The following LHFPL3 variants were observed in gnomAD, a reference collection of about 807,000 sequenced individuals.
LHFPL3 encodes the protein LHFPL tetraspan subfamily member 3 protein.
A neutral mutation model predicts 19.3 loss-of-function variants in LHFPL3; 5 were observed. That is an observed-to-expected ratio of 0.26 (90% CI 0.14 to 0.54). The LOEUF is 0.54. Ranked by LOEUF, LHFPL3 falls within the 20% of genes least tolerant of loss-of-function variation. The pLI is 0.94. For synonymous variants in LHFPL3, 133 were observed against 126.2 expected, an observed-to-expected ratio of 1.05 and a Z score of -0.36; for missense variants, 249 against 307.4, an observed-to-expected ratio of 0.81 and a Z score of 1.42.
chr7:104,661,938 C>T lies in LHFPL3; in HGVS notation c.446-74737C>T, dbSNP rs77311132. On this transcript the variant is annotated intron_variant, in intron 1 of 2. Transcript: ENST00000424859. The stretch of plus-strand genomic sequence containing the variant: ...ATAAGGGTTCCTTGAACACAAGCAC[C>T]GAGCTATCATGACAGTCGATCTAAT... Among the ~76,000 whole-genome samples, 787 of 152,218 alleles carry T rather than the reference C, an allele frequency of 5.2e-3. 45 individuals carry two copies. In the East Asian group the frequency reaches 0.11, roughly 22 times the overall value.
At chr7:104,798,397 G>GA (rs952819432) in intron 2 of LHFPL3, 8 of 152,030 alleles carry the variant, frequency 5.3e-5, no homozygotes, top group Non-Finnish European at 1.0e-4. Flanking sequence ...TTCATCTGTG[G>GA]AAAAAATAAC....
chr7:104,388,523 G>A (rs746824137), intron 1 of LHFPL3, among the ~76,000 whole-genome samples: 39 of 151,898 alleles, frequency 2.6e-4, no homozygotes, highest in African/African-American at 8.5e-4. Context: ...AGTAAAAAAC[G>A]AACACTTCCC....
At chr7:104,586,707 A>G (rs1301969333) in intron 1 of LHFPL3, among the ~76,000 whole-genome samples, 1 of 152,158 alleles carries the variant, frequency 6.6e-6, no homozygotes, top group Non-Finnish European at 1.5e-5. Context: ...GAATTTTTAT[A>G]GAAGGCAGCC....
chr7:104,833,318 A>AT, intron 2 of LHFPL3, among the ~76,000 whole-genome samples: 4 of 23,736 alleles, frequency 1.7e-4, no homozygotes, highest in Non-Finnish European at 2.0e-4. Flanking sequence ...GGATATATAT[A>AT]TATTATATAT....
Position 104,583,507 on chromosome 7 carries a change from A to G in LHFPL3, c.446-153168A>G, listed in dbSNP as rs548610702. ...CTTCTGCACAGCAAAAGAAAGTACCATCAGAGTAAACAGGCAACCTACAGA... is the reference window on the plus strand; with the variant it reads ...CTTCTGCACAGCAAAAGAAAGTACCGTCAGAGTAAACAGGCAACCTACAGA... On this transcript the variant is annotated intron_variant, in intron 1 of 2. Coordinates refer to ENST00000424859, the MANE Select transcript of LHFPL3 (RefSeq NM_199000.3). Among the ~76,000 whole-genome samples the G allele has an allele frequency of 4.6e-5, 7 of 152,354 alleles. No individual in the cohort carries two copies. The East Asian group carries it at 1.3e-3, about 29-fold the overall frequency.
intron 1 of LHFPL3, among the ~76,000 whole-genome samples, chr7:104,377,428 G>C (rs1311252714): frequency 1.3e-5 from 2 of 152,156 alleles, no homozygotes; most frequent in African/African-American, 4.8e-5. Context: ...TATCACAAAA[G>C]CACACATAAG....
intron 1 of LHFPL3, among the ~76,000 whole-genome samples, chr7:104,497,573 C>T (rs1187434556): frequency 6.6e-6 from 1 of 151,390 alleles, no homozygotes; most frequent in Non-Finnish European, 1.5e-5. Context: ...AATCTCATTT[C>T]TCTTCTGCTG....
chr7:104,870,837 G>A (rs1251950576), intron 2 of LHFPL3, among the ~76,000 whole-genome samples: 5 of 152,268 alleles, frequency 3.3e-5, no homozygotes, highest in Admixed American at 6.5e-5. Flanking sequence ...ATCTGCCAGA[G>A]TAAAGGATGT....
At chr7:104,698,768 C>T (rs1207360929) in intron 1 of LHFPL3, among the ~76,000 whole-genome samples, 2 of 152,096 alleles carry the variant, frequency 1.3e-5, no homozygotes, top group African/African-American at 4.8e-5. Flanking sequence ...CATGAAAAGA[C>T]ATGGAGGGAA....
intron 1 of LHFPL3, among the ~76,000 whole-genome samples, chr7:104,502,930 A>T (rs1793628341): frequency 6.6e-6 from 1 of 152,176 alleles, no homozygotes; most frequent in Admixed American, 6.5e-5. Flanking sequence ...ATTCTTTTAC[A>T]CTGTCAGTGA....
chr7:104,725,204 C>T (rs1793567344), intron 1 of LHFPL3, among the ~76,000 whole-genome samples: 1 of 152,058 alleles, frequency 6.6e-6, no homozygotes, highest in Non-Finnish European at 1.5e-5. Flanking sequence ...CAATTTGTAA[C>T]TTAGAGTTTC....
chr7:104,687,240 A>T (rs994557079), intron 1 of LHFPL3, among the ~76,000 whole-genome samples: 1 of 152,232 alleles, frequency 6.6e-6, no homozygotes, highest in Middle Eastern at 3.2e-3. Flanking sequence ...GAATAGCAAG[A>T]TGGAAGAGAT....
At chr7:104,856,319 T>G (rs1791506029) in intron 2 of LHFPL3, among the ~76,000 whole-genome samples, 1 of 144,630 alleles carries the variant, frequency 6.9e-6, no homozygotes, top group African/African-American at 2.6e-5. Flanking sequence ...GGCGCCATCT[T>G]GGCTCACCAC....
At chr7:104,374,284 C>G (rs1308427313) in intron 1 of LHFPL3, among the ~76,000 whole-genome samples, 2 of 151,186 alleles carry the variant, frequency 1.3e-5, no homozygotes, top group Admixed American at 6.6e-5. Flanking sequence ...GCTCTGTCAC[C>G]AGGCTGGAGT....
At chr7:104,705,786 G>A (rs1236459953) in intron 1 of LHFPL3, among the ~76,000 whole-genome samples, 2 of 152,138 alleles carry the variant, frequency 1.3e-5, no homozygotes, top group Non-Finnish European at 2.9e-5. Context: ...GGAACAGGTG[G>A]CAGTCATTCC....
At position 104,444,943 on chromosome 7, in the gene LHFPL3, G is replaced by T. The variant is rs191670450; in HGVS notation, c.445+115719G>T. ...GTGGAGGTTGCGGTGAGTTGAAATC[G>T]CGCCATTGCATTCCAGCCTGGGCAA... is the stretch of plus-strand genomic sequence containing the variant. On this transcript the variant is annotated intron_variant, in intron 1 of 2. Transcript: ENST00000424859. Among the ~76,000 whole-genome samples, 273 of 151,902 alleles carry T rather than the reference G, an allele frequency of 1.8e-3. 1 individual carries two copies. Among genetic ancestry groups the T allele is most frequent in the African/African-American group, 6.2e-3 (258 of 41,418 alleles).
At chr7:104,655,915 TG>T (rs1792112730) in intron 1 of LHFPL3, among the ~76,000 whole-genome samples, 1 of 152,242 alleles carries the variant, frequency 6.6e-6, no homozygotes, top group Non-Finnish European at 1.5e-5. Context: ...CATTACATTT[TG>T]TTTTTTTCAA....
chr7:104,487,604 A>C (rs1206412842), intron 1 of LHFPL3, among the ~76,000 whole-genome samples: 1 of 152,264 alleles, frequency 6.6e-6, no homozygotes, highest in East Asian at 1.9e-4. Flanking sequence ...AACTCCACAC[A>C]GACAGTGGCC....
chr7:104,415,364 T>G (rs1243598205), intron 1 of LHFPL3, among the ~76,000 whole-genome samples: 5 of 152,200 alleles, frequency 3.3e-5, no homozygotes, highest in African/African-American at 1.2e-4. Context: ...TATCAAAAAG[T>G]GTTACATGAA....
Sources: gnomAD v4.1 joint callset for allele counts (sites outside exome capture counted in the v4.1 genomes callset) on GRCh38, gnomAD v4.1.1 for gene constraint, MANE v1.5 for transcripts, NCBI Gene and HGNC (gene_info 2026-07-23, HGNC 2026-07-21) for gene names.